The following DCLRE1C variants were observed in gnomAD, a reference collection of about 807,000 sequenced individuals.
DCLRE1C encodes DNA cross-link repair 1C, also known as protein artemis.
In DCLRE1C, 47 loss-of-function variants were observed where a neutral mutation model predicts 61.4. The ratio of observed to expected loss-of-function variants is 0.77; its 90% CI spans 0.61 to 0.98. The LOEUF is 0.98. Among genes scored for constraint, DCLRE1C ranks in the 50% least tolerant of loss-of-function variants. The pLI, the probability that DCLRE1C is intolerant of heterozygous loss-of-function variation, is 0.00. For synonymous variants in DCLRE1C, 337 were observed against 287.6 expected (o/e 1.17, Z -1.74); for missense variants, 858 against 816.0 (o/e 1.05, Z -0.63).
intron 2 of DCLRE1C, among the ~76,000 whole-genome samples, chr10:14,946,408 A>G (rs1256609527): frequency 2.0e-5 from 3 of 152,210 alleles, no homozygotes; most frequent in African/African-American, 7.2e-5. Flanking sequence ...GACATACACC[A>G]TCCATACATG....
chr10:14,953,614 A>G (rs1452162418), intron 1 of DCLRE1C, among the ~76,000 whole-genome samples: 1 of 152,120 alleles, frequency 6.6e-6, no homozygotes, highest in Non-Finnish European at 1.5e-5. Context: ...ACCCTCGCCA[A>G]TCTCTGATCA....
intron 12 of DCLRE1C, among the ~76,000 whole-genome samples, chr10:14,922,513 A>T (rs1238752994): frequency 6.6e-6 from 1 of 152,124 alleles, no homozygotes; most frequent in Non-Finnish European, 1.5e-5. Context: ...GTAATACTGT[A>T]GTAAAAGACA....
At chr10:14,916,534 A>G (rs1836223179) in intron 13 of DCLRE1C, among the ~76,000 whole-genome samples, 2 of 152,226 alleles carry the variant, frequency 1.3e-5, no homozygotes, top group Non-Finnish European at 2.9e-5. Context: ...GCAAATGCAA[A>G]TGTTCCAAAA....
chr10:14,902,315 T>G, downstream of DCLRE1C: 1 of 817,478 alleles, frequency 1.2e-6, no homozygotes, highest in Non-Finnish European at 1.9e-6. Context: ...CCTCTATCAC[T>G]GATAATAAAG....
rs1467655165 is a variant in DCLRE1C at position 14,940,285 on chromosome 10, C to CTTTTTT, written c.247-417_247-416insAAAAAA. Among the ~76,000 whole-genome samples, 3 of 103,222 alleles carry CTTTTTT rather than the reference C, an allele frequency of 2.9e-5. 1 individual carries two copies. The highest frequency in any genetic ancestry group is 2.0e-5 in the Non-Finnish European group (1 of 49,732). The allele number at this position is 103,222 out of a possible 152,430, so 67.7% of individuals were successfully genotyped here. The stretch of plus-strand genomic sequence containing the variant: ...TGACATGGATGCTTCATACACGGTT[C>CTTTTTT]TTTTATTTTTTTTTTTTTTCTCAGA... On this transcript the variant is annotated intron_variant, in intron 3 of 13. Transcript: ENST00000378278.
chr10:14,946,337 C>A (rs1157286356), intron 2 of DCLRE1C, among the ~76,000 whole-genome samples: 1 of 152,078 alleles, frequency 6.6e-6, no homozygotes, highest in Non-Finnish European at 1.5e-5. Context: ...TTAACGCTAT[C>A]ATTTTGAGGT....
At position 14,936,606 on chromosome 10, in the gene DCLRE1C, TAAAG is replaced by T. The variant is rs774140797; in HGVS notation, c.307-17_307-14del. On this transcript the variant is annotated splice_polypyrimidine_tract_variant and intron_variant, in intron 4 of 13. Coordinates refer to ENST00000378278, the MANE Select transcript of DCLRE1C (RefSeq NM_001033855.3). ...CAATCTCTTCCTTCTAAAAAGAAAA[TAAAG>T]AAAAAATAGTAATGGAAAGCAGTTA... 2 of 1,605,852 alleles carry T rather than the reference TAAAG, an allele frequency of 1.2e-6. No individual in the cohort carries two copies. The highest frequency in any genetic ancestry group is 1.7e-6 in the Non-Finnish European group (2 of 1,173,544).
chr10:14,934,765 T>C lies in DCLRE1C; in HGVS notation c.475A>G (p.Ile159Val). The change falls in exon 7 of 14, where the codon ATC becomes GTC. Residue 159 changes from isoleucine (I) to valine (V), a missense_variant. Ile to Val is a conservative substitution (Grantham distance 29, BLOSUM62 3). Transcript: ENST00000378278. ...GTAGTATCCAAATATACACTTTGGATGTCTTTGACTCTGAAAAGAAAAAAA... is the reference window on the plus strand; with the variant it reads ...GTAGTATCCAAATATACACTTTGGACGTCTTTGACTCTGAAAAGAAAAAAA... ...LLHSGGRVKD[I>V]QSVYLDTTFC... is the part of the protein sequence containing the mutation. 6.2e-7 allele frequency: 1 copy of C among 1,613,176 alleles called. No individual in the cohort carries two copies. The highest frequency in any genetic ancestry group is 1.3e-5 in the African/African-American group (1 of 75,036).
intron 9 of DCLRE1C, among the ~76,000 whole-genome samples, chr10:14,928,756 C>A (rs118002842): frequency 1.3e-5 from 2 of 149,984 alleles, no homozygotes; most frequent in Non-Finnish European, 2.9e-5. Context: ...GTGTTGGCAA[C>A]GCAGCAAATC....
intron 3 of DCLRE1C, among the ~76,000 whole-genome samples, chr10:14,941,713 C>T (rs1176573014): frequency 1.3e-5 from 2 of 152,160 alleles, no homozygotes; most frequent in African/African-American, 4.8e-5. Flanking sequence ...TGTTTCTGAT[C>T]TCCAACATCA....
chr10:14,919,746 C>T lies in DCLRE1C; in HGVS notation c.1148G>A (p.Arg383Gln), dbSNP rs1836790390. ...GKLKRARTVH[R>Q]DSEEEDDYLF... ...AGGACCATTTTTCTTACCTGAGTCT[C>T]GGTGAACTGTTCTAGCTCTCTTCAG... The change falls in exon 13 of 14, where the codon CGA (arginine) becomes CAA (glutamine). Residue 383 changes from arginine to glutamine, a missense_variant. By Grantham distance (43) the Arg-to-Gln change is conservative. Around this residue, in one of 2 missense-constraint regions of DCLRE1C, gnomAD observed 843 missense variants for 783.5 expected, o/e 1.08. Transcript: ENST00000378278. 6 of 1,613,332 alleles carry T rather than the reference C, an allele frequency of 3.7e-6. No individual in the cohort carries two copies. Among genetic ancestry groups the T allele is most frequent in the African/African-American group, 2.7e-5 (2 of 75,000 alleles).
rs1838082666 is a variant in DCLRE1C at position 14,926,871 on chromosome 10, C to G, written c.944G>C (p.Cys315Ser). The change falls in exon 11 of 14, where the codon TGT becomes TCT. Residue 315 changes from cysteine to serine, a missense_variant. Transcript: ENST00000378278. Reference protein sequence around the residue: ...VRTGESSYRACFSFHSSYSEI... With the variant: ...VRTGESSYRASFSFHSSYSEI... ...ACTGTAGGAGGAGTGAAAAGAAAAA[C>G]AAGCTCTGTATGAACTCTCTCCAGT... 2 of 1,613,410 alleles carry G rather than the reference C, an allele frequency of 1.2e-6. No individual in the cohort carries two copies. The highest frequency in any genetic ancestry group is 2.7e-5 in the African/African-American group (2 of 74,864).
chr10:14,930,115 T>C (rs1838717006), intron 9 of DCLRE1C, among the ~76,000 whole-genome samples: 3 of 151,948 alleles, frequency 2.0e-5, no homozygotes, highest in African/African-American at 7.3e-5. Flanking sequence ...AGGTGTATGT[T>C]TTATTTATTT....
rs762913549 is a variant in DCLRE1C, at chr10:14,905,147, G to A, written c.*3261C>T. Among the ~76,000 whole-genome samples, 24 of 152,242 alleles carry A rather than the reference G, an allele frequency of 1.6e-4. No individual in the cohort carries two copies. The highest frequency in any genetic ancestry group is 3.1e-4 in the Non-Finnish European group (21 of 68,040). ...TGACTACGTGCTAGCAAGATTAACC[G>A]AAGGTTTATATTCAATTCCTTTAAA... On this transcript the variant is annotated 3_prime_UTR_variant, in exon 14 of 14. Coordinates refer to ENST00000378278, the MANE Select transcript of DCLRE1C (RefSeq NM_001033855.3).
intron 2 of DCLRE1C, chr10:14,945,687 CT>C (rs1564472686): frequency 1.6e-6 from 1 of 624,084 alleles, no homozygotes; most frequent in Non-Finnish European, 1.9e-6. Context: ...GAGATGGAGT[CT>C]TGCTCTGTTA....
intron 3 of DCLRE1C, among the ~76,000 whole-genome samples, chr10:14,940,633 C>T (rs1181475178): frequency 6.6e-5 from 10 of 152,116 alleles, no homozygotes; most frequent in African/African-American, 2.4e-4. Flanking sequence ...TGGTACATTT[C>T]CCCCTGCCAT....
chr10:14,923,984 A>G (rs1588990619), intron 11 of DCLRE1C, among the ~76,000 whole-genome samples: 2 of 152,190 alleles, frequency 1.3e-5, no homozygotes, highest in Admixed American at 6.5e-5. Context: ...CCTACATGCA[A>G]CCCTCTCCTG....
intron 2 of DCLRE1C, among the ~76,000 whole-genome samples, chr10:14,948,128 G>A (rs1841956209): frequency 6.6e-6 from 1 of 151,620 alleles, no homozygotes; most frequent in South Asian, 2.1e-4. Flanking sequence ...TAAGCCCAGG[G>A]CTTTGGGAGG....
chr10:14,936,639 T>C, intron 4 of DCLRE1C, 46 bp from the exon 5 acceptor site: 1 of 1,390,204 alleles, frequency 7.2e-7, no homozygotes, highest in Non-Finnish European at 1.0e-6. Flanking sequence ...GCAGTTATCA[T>C]TAGGACCTAG....
Sources: allele counts gnomAD v4.1 joint callset (sites outside exome capture counted in the v4.1 genomes callset), GRCh38; gene constraint gnomAD v4.1.1; regional missense constraint gnomAD v4.1.1; transcripts MANE v1.5; gene names NCBI Gene and HGNC (gene_info 2026-07-23, HGNC 2026-07-21).